The following NKX3-2 variants were observed in gnomAD, a reference collection of about 807,000 sequenced individuals.
NKX3-2 encodes NK3 homeobox 2, also known as homeobox protein Nkx-3.2.
NKX3-2 carries 13 observed loss-of-function variants against 19.4 expected under a neutral mutation model. That is an observed-to-expected ratio of 0.67 (90% CI 0.44 to 1.07). The LOEUF is 1.07. Among genes scored for constraint, NKX3-2 ranks in the 50% least tolerant of loss-of-function variants. The probability of loss-of-function intolerance (pLI) is 0.00; values close to 1 mark genes in which losing one functional copy is unlikely to be tolerated. For synonymous variants in NKX3-2, 269 were observed against 230.5 expected (o/e 1.17, Z -1.51); for missense variants, 562 against 488.2 (o/e 1.15, Z -1.42).
At position 13,543,866 on chromosome 4, in the gene NKX3-2, A is replaced by C; in HGVS notation, c.466+83T>G. 2 of 1,286,288 alleles carry C rather than the reference A, an allele frequency of 1.6e-6. No individual in the cohort carries two copies. The highest frequency in any genetic ancestry group is 2.1e-6 in the Non-Finnish European group (2 of 967,584). 79.7% of individuals were successfully genotyped at this position (1,286,288 alleles called of 1,614,324 possible). On this transcript the variant is annotated intron_variant, in intron 1 of 1. Coordinates refer to ENST00000382438, the MANE Select transcript of NKX3-2 (RefSeq NM_001189.4). This position sits in a 1 kb window ranked among gnomAD's most constrained non-coding sequence, Gnocchi z 7.1. ...CCGAGCCCCAGGGCGCAGGGTGCTC[A>C]AGCCGACCACCCCACTCGGCGTGGT...
At position 13,541,637 on chromosome 4, in the gene NKX3-2, T is replaced by G; in HGVS notation, c.*356A>C. On this transcript the variant is annotated 3_prime_UTR_variant, in exon 2 of 2. Transcript: ENST00000382438. ...TGAAATTCTGAGGATTCAGGCTATG[T>G]GGTCTCCAGGAGTTGCCGCTCAGGG... 1 of 251,484 alleles carries G rather than the reference T, an allele frequency of 4.0e-6. No homozygotes were observed. The highest frequency in any genetic ancestry group is 7.6e-6 in the Non-Finnish European group (1 of 131,444). 15.6% of individuals were successfully genotyped at this position (251,484 alleles called of 1,614,324 possible).
rs1163069230 is a variant in NKX3-2 at position 13,542,205 on chromosome 4, G to T, written c.790C>A (p.Arg264=). The change falls in exon 2 of 2, where the codon CGG becomes AGG. Residue 264 remains arginine, a synonymous_variant. Coordinates refer to ENST00000382438, the MANE Select transcript of NKX3-2 (RefSeq NM_001189.4). The surrounding 1 kb of genome is among the most constrained non-coding windows in gnomAD (Gnocchi z 6.4). ...FQNRRYKTKR[R]QMAADLLASA... is the part of the protein sequence containing the mutation. ...GCCAGCAGGTCGGCTGCCATCTGCC[G>T]GCGCTTTGTCTTGTAGCGACGGTTC... 2 of 1,610,490 alleles carry T rather than the reference G, an allele frequency of 1.2e-6. No homozygotes were observed. The highest frequency in any genetic ancestry group is 1.1e-5 in the South Asian group (1 of 90,486).
chr4:13,543,283 G>T lies in NKX3-2; in HGVS notation c.466+666C>A, dbSNP rs1156994097. Among the ~76,000 whole-genome samples, 2 of 152,118 alleles carry T rather than the reference G, an allele frequency of 1.3e-5. No individual in the cohort carries two copies. On this transcript the variant is annotated intron_variant, in intron 1 of 1. Transcript: ENST00000382438. This position sits in a 1 kb window ranked among gnomAD's most constrained non-coding sequence, Gnocchi z 7.1. ...TTGTACCCAACTAGGGCAGGCACCC[G>T]GGTCTTCCAGACCACAGGACAGGAC...
Position 13,542,204 on chromosome 4 carries a change from C to A in NKX3-2, c.791G>T (p.Arg264Leu), listed in dbSNP as rs904542929. Residue 264 changes from arginine (R) to leucine (L), a missense_variant, in exon 2 of 2, where the codon CGG becomes CTG. Arg to Leu is a moderately radical substitution (Grantham distance 102). Transcript: ENST00000382438. This position sits in a 1 kb window ranked among gnomAD's most constrained non-coding sequence, Gnocchi z 6.4. The stretch of plus-strand genomic sequence containing the variant: ...GGCCAGCAGGTCGGCTGCCATCTGC[C>A]GGCGCTTTGTCTTGTAGCGACGGTT... ...FQNRRYKTKR[R>L]QMAADLLASA... 2 of 1,610,596 alleles carry A rather than the reference C, an allele frequency of 1.2e-6. No homozygotes were observed. Among genetic ancestry groups the A allele is most frequent in the African/African-American group, 1.3e-5 (1 of 74,970 alleles).
upstream of NKX3-2, chr4:13,547,084 A>G (rs1429967980): frequency 2.2e-6 from 1 of 455,968 alleles, no homozygotes; most frequent in African/African-American, 2.0e-5. Flanking sequence ...CGGAGGGTGA[A>G]CTCGCGGGTC....
chr4:13,547,723 G>A (rs1294864314), upstream of NKX3-2: 1 of 154,044 alleles, frequency 6.5e-6, no homozygotes, highest in Admixed American at 6.5e-5. Flanking sequence ...CGGGCGGCGG[G>A]CGGAGAGCGG....
upstream of NKX3-2, chr4:13,544,527 C>T: frequency 3.3e-6 from 2 of 611,472 alleles, no homozygotes; most frequent in Non-Finnish European, 4.7e-6. Context: ...TGTGCGAGGC[C>T]GCCGCCGCCC....
rs767146810 is a variant in NKX3-2 at position 13,544,302 on chromosome 4, C to T, written c.113G>A (p.Gly38Asp). ...AAPEGRPAPG[G>D]TAASVAAAPA... ...AGCCGCGGCCACCGATGCCGCTGTGCCCCCGGGCGCCGGGCGCCCCTCTGG... is the reference window on the plus strand; with the variant it reads ...AGCCGCGGCCACCGATGCCGCTGTGTCCCCGGGCGCCGGGCGCCCCTCTGG... Residue 38 changes from glycine to aspartate, a missense_variant, in exon 1 of 2, where the codon GGC (glycine) becomes GAC (aspartate). Transcript: ENST00000382438. The T allele has an allele frequency of 2.3e-5, 36 of 1,531,918 alleles. No homozygotes were observed. Among genetic ancestry groups the T allele is most frequent in the Admixed American group, 4.1e-5 (2 of 48,616 alleles). The allele number at this position is 1,531,918 out of a possible 1,614,324, so 94.9% of individuals were successfully genotyped here.
At position 13,543,922 on chromosome 4, in the gene NKX3-2, C is replaced by A. The variant is rs1177696263; in HGVS notation, c.466+27G>T. ...TCCGCGTCCATCCCCTCAGCCCGGC[C>A]CCCATCCCCGCGAAGCCGCAGCAGA... On this transcript the variant is annotated intron_variant, in intron 1 of 1. Coordinates refer to ENST00000382438, the MANE Select transcript of NKX3-2 (RefSeq NM_001189.4). The surrounding 1 kb of genome is among the most constrained non-coding windows in gnomAD (Gnocchi z 7.1). The A allele has an allele frequency of 1.3e-6, 2 of 1,527,018 alleles. No homozygotes were observed. Among genetic ancestry groups the A allele is most frequent in the South Asian group, 1.2e-5 (1 of 81,442 alleles). The allele number at this position is 1,527,018 out of a possible 1,614,324, so 94.6% of individuals were successfully genotyped here.
At chr4:13,545,203 G>A (rs1254940002), upstream of NKX3-2, among the ~76,000 whole-genome samples, 2 of 152,176 alleles carry the variant, frequency 1.3e-5, no homozygotes, top group Non-Finnish European at 2.9e-5. Context: ...GCTAAAGACA[G>A]GGTCTGACTT....
upstream of NKX3-2, chr4:13,547,197 C>T (rs1375462997): frequency 2.2e-6 from 1 of 456,376 alleles, no homozygotes. Flanking sequence ...CCCGGCGTAA[C>T]TACGGAGTCC....
chr4:13,542,440 G>T lies in NKX3-2; in HGVS notation c.555C>A (p.Gly185=), dbSNP rs768783030. 12 of 1,562,816 alleles carry T rather than the reference G, an allele frequency of 7.7e-6. No individual in the cohort carries two copies. In the Admixed American group the frequency reaches 2.0e-4, roughly 26 times the overall value. ...CCGCGACGCCTGCCGGCCCGCTGCC[G>T]CCCCCGCCGCCGGCCCCGCTGCACA... ...SALCSGAGGG[G]GSGPAGVAEE... is the part of the protein sequence containing the mutation. The change falls in exon 2 of 2, where the codon GGC becomes GGA. Residue 185 remains glycine (G), a synonymous_variant. Transcript: ENST00000382438. The surrounding 1 kb of genome is among the most constrained non-coding windows in gnomAD (Gnocchi z 6.4).
rs1001633559 is a variant in NKX3-2, at chr4:13,541,920, T to C, written c.*73A>G. ...CCTTGGCGGGGCGCCCCGTGCAGGC[T>C]ACAGCCTACAGCTGTCAGCGCCGGT... is the stretch of plus-strand genomic sequence containing the variant. On this transcript the variant is annotated 3_prime_UTR_variant, in exon 2 of 2. Coordinates refer to ENST00000382438, the MANE Select transcript of NKX3-2 (RefSeq NM_001189.4). 6.5e-7 allele frequency: 1 copy of C among 1,542,768 alleles called. No individual in the cohort carries two copies. Among genetic ancestry groups the C allele is most frequent in the Non-Finnish European group, 8.7e-7 (1 of 1,143,302 alleles).
rs747132170 is a variant in NKX3-2 at position 13,544,058 on chromosome 4, C to G, written c.357G>C (p.Ala119=). The G allele has an allele frequency of 6.4e-6, 10 of 1,572,684 alleles. No homozygotes were observed. The East Asian group carries it at 1.9e-4, about 30-fold the overall frequency. The change falls in exon 1 of 2, where the codon GCG becomes GCC. Residue 119 remains alanine, a synonymous_variant. Coordinates refer to ENST00000382438, the MANE Select transcript of NKX3-2 (RefSeq NM_001189.4). The part of the protein sequence containing the change: ...DARGASGAGL[A]GGSLSLGQPV... ...GCTGGCCGAGGCTCAAGGATCCCCC[C>G]GCAAGGCCGGCCCCGCTGGCCCCCC...
rs1230484599 is a variant in NKX3-2 at position 13,541,945 on chromosome 4, T to C, written c.*48A>G. The stretch of plus-strand genomic sequence containing the variant: ...TACAGCCTACAGCTGTCAGCGCCGG[T>C]CCGGAGCCGGAGCGCGGGAATCACT... On this transcript the variant is annotated 3_prime_UTR_variant, in exon 2 of 2. Transcript: ENST00000382438. 6 of 1,550,326 alleles carry C rather than the reference T, an allele frequency of 3.9e-6. No homozygotes were observed. The highest frequency in any genetic ancestry group is 1.4e-5 in the African/African-American group (1 of 73,018).
At chr4:13,546,694 G>GT (rs1718139319), upstream of NKX3-2, 1 of 355,616 alleles carries the variant, frequency 2.8e-6, no homozygotes, top group Admixed American at 3.7e-5. Context: ...AGGCAGAGAT[G>GT]TTTTGGGGCT....
Position 13,542,130 on chromosome 4 carries a change from C to T in NKX3-2, c.865G>A (p.Asp289Asn). The T allele has an allele frequency of 6.2e-7, 1 of 1,611,290 alleles. No individual in the cohort carries two copies. Among genetic ancestry groups the T allele is most frequent in the Non-Finnish European group, 8.5e-7 (1 of 1,178,356 alleles). ...TCGCCGGGCAGGTATTGTCTCTGGT[C>T]GTCGCGCACCAGCACCTTTACGGCC... ...KVAVKVLVRD[D>N]QRQYLPGEVL... The change falls in exon 2 of 2, where the codon GAC becomes AAC. Residue 289 changes from aspartate (D) to asparagine (N), a missense_variant. Physicochemically the swap from Asp to Asn is conservative, Grantham distance 23. Coordinates refer to ENST00000382438, the MANE Select transcript of NKX3-2 (RefSeq NM_001189.4). The surrounding 1 kb of genome is among the most constrained non-coding windows in gnomAD (Gnocchi z 6.4).
chr4:13,544,330 C>A lies in NKX3-2; in HGVS notation c.85G>T (p.Ala29Ser). ...CCGGGCGCCGGGCGCCCCTCTGGCG[C>A]GGCCAGCCCGCCGCGCTCCTCTTTC... ...NKKEERGGLA[A>S]PEGRPAPGGT... Residue 29 changes from alanine to serine, a missense_variant, in exon 1 of 2, where the codon GCG (alanine) becomes TCG (serine). Ala to Ser is a moderately conservative substitution (Grantham distance 99). Transcript: ENST00000382438. 6.5e-7 allele frequency: 1 copy of A among 1,531,094 alleles called. No individual in the cohort carries two copies. Among genetic ancestry groups the A allele is most frequent in the South Asian group, 1.2e-5 (1 of 83,124 alleles). 94.8% of individuals were successfully genotyped at this position (1,531,094 alleles called of 1,614,324 possible).
rs1205271573 is a variant in NKX3-2 at position 13,542,395 on chromosome 4, C to T, written c.600G>A (p.Ala200=). 4 of 1,506,770 alleles carry T rather than the reference C, an allele frequency of 2.7e-6. No homozygotes were observed. The highest frequency in any genetic ancestry group is 2.5e-5 in the East Asian group (1 of 39,962). 93.3% of individuals were successfully genotyped at this position (1,506,770 alleles called of 1,614,324 possible). Reference sequence around the variant, plus strand: ...AGCGCTTCTTGCGTGGCTTGGGCGCCGCCGGCTCCTCCTCCTCCTCCGCGA... The same window carrying T: ...AGCGCTTCTTGCGTGGCTTGGGCGCTGCCGGCTCCTCCTCCTCCTCCGCGA... ...AGVAEEEEEP[A]APKPRKKRSR... Residue 200 remains alanine (A), a synonymous_variant, in exon 2 of 2, where the codon GCG becomes GCA. Transcript: ENST00000382438. The surrounding 1 kb of genome is among the most constrained non-coding windows in gnomAD (Gnocchi z 6.4).
Sources: gnomAD v4.1 joint callset for allele counts (sites outside exome capture counted in the v4.1 genomes callset) on GRCh38, gnomAD v4.1.1 for gene constraint, Gnocchi (gnomAD v3.1) non-coding constraint, MANE v1.5 for transcripts, NCBI Gene and HGNC (gene_info 2026-07-23, HGNC 2026-07-21) for gene names.